Variants in ST8SIA2 observed in about 807,000 individuals in gnomAD.
ST8SIA2 encodes alpha-2,8-sialyltransferase 8B.
A neutral mutation model predicts 37.6 loss-of-function variants in ST8SIA2; 22 were observed. That is an observed-to-expected ratio of 0.58 (90% CI 0.42 to 0.83). The LOEUF (loss-of-function observed/expected upper bound fraction) is 0.83, where lower values mean the gene tolerates loss of function less well. Among genes scored for constraint, ST8SIA2 ranks in the 40% least tolerant of loss-of-function variants. The probability of loss-of-function intolerance (pLI) is 0.00; values close to 1 mark genes in which losing one functional copy is unlikely to be tolerated. For synonymous variants in ST8SIA2, 205 were observed against 201.2 expected (o/e 1.02, Z -0.16); for missense variants, 382 against 484.7 (o/e 0.79, Z 1.99).
intron 1 of ST8SIA2, among the ~76,000 whole-genome samples, chr15:92,397,729 T>A (rs1329356647): frequency 6.6e-6 from 1 of 152,238 alleles, no homozygotes; most frequent in African/African-American, 2.4e-5. Context: ...TTGCCCATCA[T>A]GGTGTCCATG....
intron 1 of ST8SIA2, among the ~76,000 whole-genome samples, chr15:92,407,071 T>C (rs1057085206): frequency 6.6e-6 from 1 of 151,978 alleles, no homozygotes; most frequent in Non-Finnish European, 1.5e-5. Context: ...AGCCACTGGT[T>C]GGATTCCTGA....
chr15:92,436,471 A>G (rs2049759336), intron 3 of ST8SIA2, among the ~76,000 whole-genome samples: 1 of 152,218 alleles, frequency 6.6e-6, no homozygotes, highest in Admixed American at 6.5e-5. Flanking sequence ...AATCACCAAG[A>G]TTATTCATAA....
At chr15:92,411,037 G>C (rs2049544857) in intron 1 of ST8SIA2, among the ~76,000 whole-genome samples, 1 of 152,166 alleles carries the variant, frequency 6.6e-6, no homozygotes, top group Admixed American at 6.5e-5. Context: ...GAGGACAGAG[G>C]GCTTGGAGCC....
At chr15:92,425,166 G>T (rs777489943) in intron 1 of ST8SIA2, among the ~76,000 whole-genome samples, 4 of 152,130 alleles carry the variant, frequency 2.6e-5, no homozygotes, top group Non-Finnish European at 5.9e-5. Context: ...GTTCCCCATC[G>T]CAAGGAATAT....
chr15:92,444,085 A>G (rs2049823014), intron 4 of ST8SIA2, among the ~76,000 whole-genome samples: 2 of 152,298 alleles, frequency 1.3e-5, no homozygotes, highest in South Asian at 4.2e-4. Flanking sequence ...CTCTTATTAT[A>G]TCCAGTAGTG....
intron 5 of ST8SIA2, among the ~76,000 whole-genome samples, chr15:92,447,305 C>A (rs1260119515): frequency 2.0e-5 from 3 of 152,138 alleles, no homozygotes; most frequent in Non-Finnish European, 4.4e-5. Flanking sequence ...TGTGGCAGTG[C>A]CATAGTCTGT....
intron 1 of ST8SIA2, among the ~76,000 whole-genome samples, chr15:92,401,321 G>T (rs1005081944): frequency 1.3e-5 from 2 of 152,206 alleles, no homozygotes; most frequent in Non-Finnish European, 1.5e-5. Flanking sequence ...AGCCAAGGCT[G>T]GTCCTTAAGC....
intron 1 of ST8SIA2, among the ~76,000 whole-genome samples, chr15:92,400,245 G>A (rs1228653993): frequency 6.6e-6 from 1 of 152,022 alleles, no homozygotes; most frequent in Non-Finnish European, 1.5e-5. Context: ...GTGCACCCTA[G>A]CACCCCATCA....
At chr15:92,459,520 A>T (rs1308068731) in intron 5 of ST8SIA2, among the ~76,000 whole-genome samples, 2 of 152,152 alleles carry the variant, frequency 1.3e-5, no homozygotes, top group Non-Finnish European at 2.9e-5. Flanking sequence ...ACAGAAGGGG[A>T]CAAGTTCAGT....
In ST8SIA2 at chr15:92,435,878, G is replaced by A. The variant is rs574072980; in HGVS notation, c.290+1503G>A. 5.3e-5 allele frequency among the ~76,000 whole-genome samples: 8 copies of A among 152,124 alleles called. No individual in the cohort carries two copies. In the East Asian group the frequency reaches 5.8e-4, roughly 11 times the overall value. ...GCTGCTGTAACAAATTACCAACAACGCGGCGGCGGCCTAAAACAACAGAAA... is the reference window on the plus strand; with the variant it reads ...GCTGCTGTAACAAATTACCAACAACACGGCGGCGGCCTAAAACAACAGAAA... On this transcript the variant is annotated intron_variant, in intron 3 of 5. Transcript: ENST00000268164.
chr15:92,427,260 CAAAA>C (rs55783719), intron 1 of ST8SIA2, among the ~76,000 whole-genome samples: 107 of 102,608 alleles, frequency 1.0e-3, no homozygotes, highest in South Asian at 9.0e-3. Flanking sequence ...GGGCACTTGG[CAAAA>C]AAAAAAAAAA....
At chr15:92,396,574 A>G (rs760659291) in intron 1 of ST8SIA2, among the ~76,000 whole-genome samples, 46 of 151,302 alleles carry the variant, frequency 3.0e-4, no homozygotes, top group Admixed American at 8.6e-4. Context: ...GCTCACTGCA[A>G]CCTCCGCCTC....
chr15:92,400,384 C>T (rs1310683217), intron 1 of ST8SIA2, among the ~76,000 whole-genome samples: 8 of 152,222 alleles, frequency 5.3e-5, no homozygotes, highest in Non-Finnish European at 2.9e-5. Context: ...AAACTCTGAC[C>T]GAGGATATGC....
At chr15:92,401,970 C>G (rs1388055119) in intron 1 of ST8SIA2, among the ~76,000 whole-genome samples, 1 of 151,626 alleles carries the variant, frequency 6.6e-6, no homozygotes, top group Non-Finnish European at 1.5e-5. Context: ...TTGCCAGCTG[C>G]CATTGCCTGA....
intron 5 of ST8SIA2, among the ~76,000 whole-genome samples, chr15:92,446,553 C>T (rs558321454): frequency 2.6e-5 from 4 of 152,228 alleles, no homozygotes; most frequent in South Asian, 4.1e-4. Context: ...GCTTACTATG[C>T]GCTAGGCTCT....
At chr15:92,438,992 G>A (rs2049781033) in intron 4 of ST8SIA2, among the ~76,000 whole-genome samples, 1 of 152,190 alleles carries the variant, frequency 6.6e-6, no homozygotes, top group Non-Finnish European at 1.5e-5. Flanking sequence ...ATTGATGGCT[G>A]TTGTCTCACT....
chr15:92,434,988 G>A (rs2049746227), intron 3 of ST8SIA2, among the ~76,000 whole-genome samples: 1 of 152,208 alleles, frequency 6.6e-6, no homozygotes, highest in South Asian at 2.1e-4. Flanking sequence ...CCATCATCGG[G>A]TAGTGGCAAT....
At chr15:92,426,693 A>C (rs2049678579) in intron 1 of ST8SIA2, among the ~76,000 whole-genome samples, 1 of 152,244 alleles carries the variant, frequency 6.6e-6, no homozygotes, top group Non-Finnish European at 1.5e-5. Flanking sequence ...GACAGAAGAA[A>C]TAAGTTCTAG....
At chr15:92,438,053 C>T (rs971681106) in intron 3 of ST8SIA2, among the ~76,000 whole-genome samples, 9 of 152,122 alleles carry the variant, frequency 5.9e-5, no homozygotes, top group African/African-American at 9.7e-5. Flanking sequence ...TTCTGGGGCC[C>T]GCTGTGAGGA....
Sources: gnomAD v4.1 joint callset for allele counts (sites outside exome capture counted in the v4.1 genomes callset) on GRCh38, gnomAD v4.1.1 for gene constraint, MANE v1.5 for transcripts, NCBI Gene and HGNC (gene_info 2026-07-23, HGNC 2026-07-21) for gene names.